The following DEPDC5 variants were observed in gnomAD, a reference collection of about 807,000 sequenced individuals.
DEPDC5 encodes GATOR1 complex protein DEPDC5.
DEPDC5 carries 73 observed loss-of-function variants against 217.3 expected under a neutral mutation model. The observed-to-expected ratio is 0.34, with a 90% confidence interval of 0.28 to 0.41. The LOEUF (loss-of-function observed/expected upper bound fraction) is 0.41. Ranked by LOEUF, DEPDC5 falls within the 10% of genes least tolerant of loss-of-function variation. The pLI is 1.00. For synonymous variants in DEPDC5, 733 were observed against 756.7 expected (o/e 0.97, Z 0.51); for missense variants, 1,675 against 2,070.1 (o/e 0.81, Z 3.70).
At chr22:31,890,851 G>C (rs529521615) in intron 38 of DEPDC5, among the ~76,000 whole-genome samples, 1 of 151,852 alleles carries the variant, frequency 6.6e-6, no homozygotes, top group East Asian at 2.0e-4. Context: ...TCAGCCTCCC[G>C]AGTAGCTGGG....
chr22:31,795,942 C>G (rs1191262250), intron 12 of DEPDC5, among the ~76,000 whole-genome samples: 1 of 151,810 alleles, frequency 6.6e-6, no homozygotes, highest in Non-Finnish European at 1.5e-5. Flanking sequence ...ATTGGTCAGT[C>G]TGATCTCAAA....
chr22:31,791,594 C>T (rs1325846918), intron 10 of DEPDC5, among the ~76,000 whole-genome samples: 39 of 145,436 alleles, frequency 2.7e-4, no homozygotes, highest in African/African-American at 9.5e-4. Context: ...TGTGCCACTG[C>T]ACTCCAGCCT....
chr22:31,899,986 G>A (rs532817455), intron 40 of DEPDC5, among the ~76,000 whole-genome samples: 9 of 152,206 alleles, frequency 5.9e-5, no homozygotes, highest in Admixed American at 3.3e-4. Context: ...ATGGAGGAGC[G>A]GACTTATCTT....
chr22:31,814,845 C>T (rs530562434), intron 20 of DEPDC5, 147 bp from the exon 21 acceptor site: 13 of 722,646 alleles, frequency 1.8e-5, no homozygotes, highest in East Asian at 5.3e-5. Context: ...GGTGAAGTAC[C>T]GCATACAGGT....
Position 31,821,588 on chromosome 22 carries a change from C to T in DEPDC5, c.1957C>T (p.His653Tyr). 2 of 1,614,216 alleles carry T rather than the reference C, an allele frequency of 1.2e-6. No individual in the cohort carries two copies. Among genetic ancestry groups the T allele is most frequent in the East Asian group, 2.2e-5 (1 of 44,890 alleles). Residue 653 changes from histidine (H) to tyrosine (Y), a missense_variant, in exon 23 of 43, where the codon CAC (histidine) becomes TAC (tyrosine). By Grantham distance (83) the His-to-Tyr change is moderately conservative. Around this residue, in one of 11 missense-constraint regions of DEPDC5, gnomAD observed 136 missense variants for 132.2 expected, o/e 1.03. Coordinates refer to ENST00000651528, the MANE Select transcript of DEPDC5 (RefSeq NM_001242896.3). Reference sequence around the variant, plus strand: ...AGGCAGCGGGCAGAGGGATCCAACTCACTCCTCTGCAGAGCTGCTGGAGTT... The same window carrying T: ...AGGCAGCGGGCAGAGGGATCCAACTTACTCCTCTGCAGAGCTGCTGGAGTT... Reference protein sequence around the residue: ...LQGSGQRDPTHSSAELLELAY... With the variant: ...LQGSGQRDPTYSSAELLELAY...
At position 31,879,667 on chromosome 22, in the gene DEPDC5, G is replaced by A. The variant is rs371864100; in HGVS notation, c.3948G>A (p.Leu1316=). ...SEIPAFLLPW[L]PSRPASYASR... is the part of the protein sequence containing the mutation. ...TTCCTGCCTTTCTCCTGCCCTGGCT[G>A]CCTAGCCGGCCAGCCTCCTATGCAA... Residue 1316 remains leucine, a synonymous_variant, in exon 38 of 43, where the codon CTG becomes CTA. Transcript: ENST00000651528. 13 of 1,614,022 alleles carry A rather than the reference G, an allele frequency of 8.1e-6. No homozygotes were observed. Among genetic ancestry groups the A allele is most frequent in the Non-Finnish European group, 1.1e-5 (13 of 1,180,042 alleles).
At chr22:31,880,584 G>A (rs2093146705) in intron 38 of DEPDC5, among the ~76,000 whole-genome samples, 2 of 152,210 alleles carry the variant, frequency 1.3e-5, no homozygotes, top group African/African-American at 4.8e-5. Context: ...TGGTAAAACG[G>A]AGATGTTAAT....
chr22:31,782,812 G>A (rs917084122), intron 8 of DEPDC5, among the ~76,000 whole-genome samples: 6 of 152,168 alleles, frequency 3.9e-5, no homozygotes, highest in Non-Finnish European at 7.3e-5. Context: ...TGTACTGTAA[G>A]CTCCTGGAGG....
intron 20 of DEPDC5, among the ~76,000 whole-genome samples, chr22:31,810,878 C>T (rs916100357): frequency 2.0e-5 from 3 of 152,126 alleles, no homozygotes; most frequent in African/African-American, 4.8e-5. Flanking sequence ...TGGGTTCAAG[C>T]GGTTCTCCTG....
Position 31,906,722 on chromosome 22 carries a change from ACCACTCCTGTCAGC to A in DEPDC5, c.*226_*239del. 1 of 616,400 alleles carries A rather than the reference ACCACTCCTGTCAGC, an allele frequency of 1.6e-6. No individual in the cohort carries two copies. Among genetic ancestry groups the A allele is most frequent in the Non-Finnish European group, 2.8e-6 (1 of 356,212 alleles). 38.2% of individuals were successfully genotyped at this position (616,400 alleles called of 1,614,324 possible). A position where few individuals can be genotyped will look rare whatever the true frequency, so the allele number is the denominator to read the frequency against. ...TTTGGAAGCAGCTGCTGCTGCTGCC[ACCACTCCTGTCAGC>A]AAGTGCTCAGAGCAGGTGGGAGGCA... On this transcript the variant is annotated 3_prime_UTR_variant, in exon 43 of 43. Transcript: ENST00000651528. This position sits in a 1 kb window ranked among gnomAD's most constrained non-coding sequence, Gnocchi z 5.1.
At chr22:31,893,521 GTTC>G (rs1342024048) in intron 38 of DEPDC5, 58 bp from the exon 39 acceptor site, 29 of 1,426,830 alleles carry the variant, frequency 2.0e-5, no homozygotes, top group South Asian at 8.0e-5. Context: ...TTAGTTATTT[GTTC>G]TTCTTCATCC....
chr22:31,857,631 C>A, intron 32 of DEPDC5, 78 bp downstream of exon 32: 1 of 1,234,226 alleles, frequency 8.1e-7, no homozygotes, highest in Non-Finnish European at 1.2e-6. Flanking sequence ...GATCGCCCTT[C>A]AGATCCGGGA....
Position 31,765,817 on chromosome 22 carries a change from G to A in DEPDC5, c.279+757G>A, listed in dbSNP as rs543849975. 4.6e-5 allele frequency among the ~76,000 whole-genome samples: 7 copies of A among 152,178 alleles called. No individual in the cohort carries two copies. The East Asian group carries it at 1.2e-3, about 25-fold the overall frequency. ...GCAGGCGGATGACTTGAGGTCAGGA[G>A]TTTGAGACCAGCCTGGGAAACATGG... On this transcript the variant is annotated intron_variant, in intron 5 of 42. Transcript: ENST00000651528.
chr22:31,850,609 G>A (rs1017570082), intron 31 of DEPDC5, among the ~76,000 whole-genome samples: 9 of 152,166 alleles, frequency 5.9e-5, no homozygotes, highest in Non-Finnish European at 1.5e-5. Context: ...AGATAAGTTA[G>A]GACTATTGTA....
intron 38 of DEPDC5, 181 bp downstream of exon 38, chr22:31,879,933 T>C (rs2093130054): frequency 3.2e-6 from 2 of 627,358 alleles, no homozygotes; most frequent in Admixed American, 2.8e-5. Context: ...CCGAGTGGTT[T>C]TATGACTGTC....
intron 7 of DEPDC5, among the ~76,000 whole-genome samples, chr22:31,772,776 A>G (rs983989144): frequency 2.0e-5 from 3 of 149,842 alleles, no homozygotes; most frequent in African/African-American, 7.3e-5. Context: ...TTTAAATTAT[A>G]TATATATTAT....
Position 31,906,604 on chromosome 22 carries a change from T to A in DEPDC5, c.*107T>A. 1 of 1,363,750 alleles carries A rather than the reference T, an allele frequency of 7.3e-7. No homozygotes were observed. The highest frequency in any genetic ancestry group is 1.0e-6 in the Non-Finnish European group (1 of 994,088). 84.5% of individuals were successfully genotyped at this position (1,363,750 alleles called of 1,614,324 possible). On this transcript the variant is annotated 3_prime_UTR_variant, in exon 43 of 43. Coordinates refer to ENST00000651528, the MANE Select transcript of DEPDC5 (RefSeq NM_001242896.3). This position sits in a 1 kb window ranked among gnomAD's most constrained non-coding sequence, Gnocchi z 5.1. The stretch of plus-strand genomic sequence containing the variant: ...GGAGTCAGGTGTCCGTTTGCTGCTA[T>A]CAGTGAGTGGGGGCCATTGTTTTTT...
chr22:31,798,349 C>G (rs1034708431), intron 13 of DEPDC5, among the ~76,000 whole-genome samples: 3 of 152,080 alleles, frequency 2.0e-5, no homozygotes, highest in Non-Finnish European at 4.4e-5. Context: ...GAAACCCTGT[C>G]TCTACTAAAA....
Position 31,806,122 on chromosome 22 carries a change from T to C in DEPDC5, c.1218T>C (p.Ser406=), listed in dbSNP as rs748822558. The part of the protein sequence containing the change: ...DYNIPHWINH[S]FYTSKSQLFC... ...ATGACTCTGTTTGTTTCTTTTACAG[T>C]TTCTACACATCCAAAAGCCAGCTCT... Residue 406 remains serine, a splice_region_variant and synonymous_variant, in exon 18 of 43, where the codon AGT becomes AGC. Transcript: ENST00000651528. The C allele has an allele frequency of 6.2e-7, 1 of 1,612,914 alleles. No homozygotes were observed. Among genetic ancestry groups the C allele is most frequent in the Non-Finnish European group, 8.5e-7 (1 of 1,179,244 alleles).
Sources: allele counts gnomAD v4.1 joint callset (sites outside exome capture counted in the v4.1 genomes callset), GRCh38; gene constraint gnomAD v4.1.1; regional missense constraint gnomAD v4.1.1; non-coding constraint Gnocchi (gnomAD v3.1); transcripts MANE v1.5; gene names NCBI Gene and HGNC (gene_info 2026-07-23, HGNC 2026-07-21).